SAMMSON: variants seen among roughly 807,000 people sequenced by gnomAD.
SAMMSON encodes survival associated mitochondrial melanoma specific oncogenic non-coding RNA.
chr3:70,051,593 C>G (rs1167575315), intron 3 of SAMMSON, among the ~76,000 whole-genome samples: 2 of 151,362 alleles, frequency 1.3e-5, no homozygotes, highest in Admixed American at 1.3e-4. Context: ...AAGATGGGAT[C>G]TATTTATTGC....
intron 7 of SAMMSON, among the ~76,000 whole-genome samples, chr3:70,308,771 G>A (rs570006538): frequency 1.3e-5 from 2 of 152,184 alleles, no homozygotes; most frequent in South Asian, 4.1e-4. Context: ...GTTTGAAGTC[G>A]AGAAGTTAGA....
intron 6 of SAMMSON, among the ~76,000 whole-genome samples, chr3:70,259,056 T>C (rs1701842668): frequency 6.6e-6 from 1 of 152,166 alleles, no homozygotes; most frequent in South Asian, 2.1e-4. Flanking sequence ...GTTGATGTGC[T>C]TATCAGGTCA....
At chr3:70,230,792 A>C (rs1701552306) in intron 4 of SAMMSON, among the ~76,000 whole-genome samples, 1 of 152,202 alleles carries the variant, frequency 6.6e-6, no homozygotes, top group Non-Finnish European at 1.5e-5. Context: ...GGTGAGACCA[A>C]GGTCCAAATA....
chr3:70,027,063 C>A (rs1366756401), intron 3 of SAMMSON, among the ~76,000 whole-genome samples: 1 of 151,960 alleles, frequency 6.6e-6, no homozygotes, highest in Non-Finnish European at 1.5e-5. Flanking sequence ...AGTCTGCGAC[C>A]CTGCAGATCA....
At chr3:70,267,393 GCTT>G (rs1701925537) in intron 6 of SAMMSON, among the ~76,000 whole-genome samples, 2 of 113,614 alleles carry the variant, frequency 1.8e-5, no homozygotes, top group African/African-American at 3.2e-5. Flanking sequence ...TTTTTTAATA[GCTT>G]TTTTTTTTTT....
At chr3:70,282,208 A>G (rs985211029) in intron 6 of SAMMSON, among the ~76,000 whole-genome samples, 1 of 152,146 alleles carries the variant, frequency 6.6e-6, no homozygotes, top group Admixed American at 6.5e-5. Flanking sequence ...CTTTCCTGGC[A>G]GTATTTGCTG....
At chr3:70,411,037 C>T (rs891943472) in intron 2 of SAMMSON, among the ~76,000 whole-genome samples, 9 of 152,096 alleles carry the variant, frequency 5.9e-5, no homozygotes, top group Admixed American at 5.2e-4. Flanking sequence ...TTAGCACAAC[C>T]GACCATCCTT....
chr3:70,127,122 G>A (rs1165079811), intron 4 of SAMMSON: 1 of 152,172 alleles, frequency 6.6e-6, no homozygotes, highest in African/African-American at 2.4e-5. Flanking sequence ...TATGACAAAG[G>A]CTGTACCACT....
chr3:70,112,533 A>G (rs1475583193), intron 4 of SAMMSON, among the ~76,000 whole-genome samples: 2 of 152,164 alleles, frequency 1.3e-5, no homozygotes, highest in Non-Finnish European at 2.9e-5. Context: ...TTGATATGGG[A>G]GAAAAGACTA....
chr3:70,137,705 T>C (rs138425977), intron 4 of SAMMSON: 27 of 152,348 alleles, frequency 1.8e-4, no homozygotes, highest in African/African-American at 5.3e-4. Flanking sequence ...AAAATAAGAA[T>C]AATTAATTTT....
chr3:70,222,494 G>A (rs986324590), intron 4 of SAMMSON, among the ~76,000 whole-genome samples: 3 of 152,028 alleles, frequency 2.0e-5, no homozygotes, highest in Non-Finnish European at 2.9e-5. Context: ...GTTGGTTTTC[G>A]GTAAAGCAAT....
At chr3:70,128,189 T>G (rs911575714) in intron 4 of SAMMSON, among the ~76,000 whole-genome samples, 9 of 152,096 alleles carry the variant, frequency 5.9e-5, no homozygotes, top group Non-Finnish European at 1.3e-4. Flanking sequence ...ACATTTGGAG[T>G]CCTGCAGTAA....
chr3:70,399,283 G>A (rs1183631893), intron 2 of SAMMSON, among the ~76,000 whole-genome samples: 4 of 152,156 alleles, frequency 2.6e-5, no homozygotes, highest in Admixed American at 6.5e-5. Flanking sequence ...TAAGCAAATT[G>A]TTTAAATGAT....
At chr3:70,134,087 CAAAAAAAAAAAAA>C (rs1157606808) in intron 4 of SAMMSON, among the ~76,000 whole-genome samples, 2 of 60,584 alleles carry the variant, frequency 3.3e-5, no homozygotes, top group Admixed American at 3.8e-4. Flanking sequence ...ACTGAAAATA[CAAAAAAAAAAAAA>C]AAAAAAAAAA....
exon 5 of SAMMSON, chr3:70,249,134 C>T (rs767771344): frequency 1.3e-5 from 2 of 152,220 alleles, no homozygotes; most frequent in South Asian, 4.1e-4. Flanking sequence ...GACTTCAGAT[C>T]GATGTGGATG....
chr3:70,060,742 T>A (rs1354907123), intron 3 of SAMMSON, among the ~76,000 whole-genome samples: 1 of 152,086 alleles, frequency 6.6e-6, no homozygotes, highest in Non-Finnish European at 1.5e-5. Flanking sequence ...TGGCCCAACA[T>A]GTCAATAGTG....
chr3:70,274,632 A>G (rs1260170458), intron 6 of SAMMSON, among the ~76,000 whole-genome samples: 1 of 152,080 alleles, frequency 6.6e-6, no homozygotes, highest in African/African-American at 2.4e-5. Flanking sequence ...CCTGTTGGGG[A>G]TGGAGCGGTG....
At chr3:70,388,148 G>C (rs1700999758) in intron 9 of SAMMSON, among the ~76,000 whole-genome samples, 1 of 152,108 alleles carries the variant, frequency 6.6e-6, no homozygotes, top group African/African-American at 2.4e-5. Context: ...GCATAATATA[G>C]GCATCTGCCT....
At chr3:70,011,025 A>G (rs1559771349) in intron 1 of SAMMSON, among the ~76,000 whole-genome samples, 1 of 152,086 alleles carries the variant, frequency 6.6e-6, no homozygotes, top group Non-Finnish European at 1.5e-5. Context: ...AGGGATTACA[A>G]TTCAAGGTGA....
Sources: allele counts gnomAD v4.1 joint callset (sites outside exome capture counted in the v4.1 genomes callset), GRCh38; gene constraint gnomAD v4.1.1; transcripts MANE v1.5; gene names NCBI Gene and HGNC (gene_info 2026-07-23, HGNC 2026-07-21).